Variants in SCHIP1 observed in about 807,000 individuals in gnomAD.
SCHIP1 encodes schwannomin interacting protein 1, also known as schwannomin-interacting protein 1.
In SCHIP1, 8 loss-of-function variants were observed where a neutral mutation model predicts 29.7. The ratio of observed to expected loss-of-function variants is 0.27; its 90% CI spans 0.16 to 0.49. SCHIP1 has a LOEUF of 0.49. Among genes scored for constraint, SCHIP1 ranks in the 20% least tolerant of loss-of-function variants. The pLI, the probability that SCHIP1 is intolerant of heterozygous loss-of-function variation, is 0.99. For missense variants in SCHIP1, 193 were observed against 294.6 expected (o/e 0.66, Z 2.52); for synonymous variants, 76 against 94.9 (o/e 0.80, Z 1.16).
chr3:159,696,448 A>G, the SCHIP1 span, among the ~76,000 whole-genome samples: 3,823 of 152,322 alleles, frequency 0.025, 188 homozygotes, highest in African/African-American at 0.088. Flanking sequence ...CAGTACATGT[A>G]TTCCTTGAAC....
At chr3:159,486,660 C>T in the SCHIP1 span, among the ~76,000 whole-genome samples, 1 of 152,206 alleles carries the variant, frequency 6.6e-6, no homozygotes, top group Non-Finnish European at 1.5e-5. Context: ...CAGCAAATAT[C>T]AGAAATCCAG....
the SCHIP1 span, among the ~76,000 whole-genome samples, chr3:159,383,777 A>C: frequency 1.3e-5 from 2 of 150,110 alleles, no homozygotes; most frequent in African/African-American, 4.9e-5. Flanking sequence ...ATCCTCTTTT[A>C]TTTCATTGAG....
At chr3:159,273,520 T>A in the SCHIP1 span, 4 of 1,166,072 alleles carry the variant, frequency 3.4e-6, no homozygotes, top group Non-Finnish European at 3.2e-6. Flanking sequence ...AGCCTTGTCT[T>A]CTCTGTGTGT....
At chr3:159,381,492 A>C in the SCHIP1 span, among the ~76,000 whole-genome samples, 1 of 152,212 alleles carries the variant, frequency 6.6e-6, no homozygotes, top group African/African-American at 2.4e-5. Context: ...CAATCCATCC[A>C]AAAACCCTTG....
chr3:159,477,113 T>G, the SCHIP1 span, among the ~76,000 whole-genome samples: 1 of 152,170 alleles, frequency 6.6e-6, no homozygotes. Context: ...TTGTCACAAA[T>G]GACAGAATTT....
the SCHIP1 span, among the ~76,000 whole-genome samples, chr3:159,405,591 C>T: frequency 6.6e-6 from 1 of 152,070 alleles, no homozygotes; most frequent in Non-Finnish European, 1.5e-5. Flanking sequence ...TTTGAAAATG[C>T]ACAGAGGCCA....
the SCHIP1 span, among the ~76,000 whole-genome samples, chr3:159,343,934 T>G: frequency 6.6e-6 from 1 of 152,170 alleles, no homozygotes; most frequent in Non-Finnish European, 1.5e-5. Context: ...AATTTTTAAA[T>G]TAAAAAATGG....
the SCHIP1 span, among the ~76,000 whole-genome samples, chr3:159,434,318 A>G: frequency 9.9e-5 from 15 of 152,152 alleles, 1 homozygote; most frequent in African/African-American, 3.1e-4. Flanking sequence ...GAGGAAGGCA[A>G]TACATAATGT....
At chr3:159,507,393 A>C in the SCHIP1 span, among the ~76,000 whole-genome samples, 1 of 152,216 alleles carries the variant, frequency 6.6e-6, no homozygotes, top group African/African-American at 2.4e-5. Flanking sequence ...TTCTAAATAT[A>C]CAATCATGTC....
At chr3:159,583,866 C>G in the SCHIP1 span, among the ~76,000 whole-genome samples, 2 of 152,266 alleles carry the variant, frequency 1.3e-5, no homozygotes, top group South Asian at 4.1e-4. Context: ...GTGTCCTCAT[C>G]ATTTGCATTC....
the SCHIP1 span, among the ~76,000 whole-genome samples, chr3:159,477,917 A>C: frequency 1.5e-5 from 2 of 137,642 alleles, no homozygotes; most frequent in Non-Finnish European, 3.1e-5. Context: ...TCTCATTTTA[A>C]ATCTTTTTTT....
chr3:159,701,298 C>A, the SCHIP1 span, among the ~76,000 whole-genome samples: 3 of 152,166 alleles, frequency 2.0e-5, no homozygotes, highest in South Asian at 4.1e-4. Context: ...TTTTTTAGAG[C>A]AGTTTTGTGT....
chr3:159,460,213 G>A, the SCHIP1 span, among the ~76,000 whole-genome samples: 1 of 152,174 alleles, frequency 6.6e-6, no homozygotes, highest in African/African-American at 2.4e-5. Flanking sequence ...TCTTTACCAT[G>A]CCTTTGTCTG....
the SCHIP1 span, among the ~76,000 whole-genome samples, chr3:159,471,924 T>C: frequency 1.3e-5 from 2 of 152,256 alleles, no homozygotes; most frequent in East Asian, 1.9e-4. Context: ...TTGTTGCTGA[T>C]AGTAAAAAAT....
At chr3:159,392,072 G>GTGTT in the SCHIP1 span, among the ~76,000 whole-genome samples, 1 of 152,118 alleles carries the variant, frequency 6.6e-6, no homozygotes, top group Non-Finnish European at 1.5e-5. Context: ...AGACTTTTTG[G>GTGTT]TGTTTGTTTG....
chr3:159,541,780 T>C, the SCHIP1 span, among the ~76,000 whole-genome samples: 1 of 152,126 alleles, frequency 6.6e-6, no homozygotes, highest in Non-Finnish European at 1.5e-5. Context: ...AATGTTAAAA[T>C]AGTCCATGCA....
upstream of SCHIP1, among the ~76,000 whole-genome samples, chr3:159,836,658 C>G (rs1743690737): frequency 6.6e-6 from 1 of 151,986 alleles, no homozygotes; most frequent in Admixed American, 6.6e-5. Context: ...TAAATGATCT[C>G]TTGAGGTCCC....
At chr3:159,353,435 T>C in the SCHIP1 span, among the ~76,000 whole-genome samples, 1 of 152,124 alleles carries the variant, frequency 6.6e-6, no homozygotes, top group Non-Finnish European at 1.5e-5. Flanking sequence ...AGTTTTGGTT[T>C]TCTACTTGTA....
the SCHIP1 span, among the ~76,000 whole-genome samples, chr3:159,676,541 A>C: frequency 6.6e-6 from 1 of 152,204 alleles, no homozygotes; most frequent in Non-Finnish European, 1.5e-5. Context: ...CCCTTAAACA[A>C]CACAAAGAAT....
Sources: allele counts gnomAD v4.1 joint callset (sites outside exome capture counted in the v4.1 genomes callset), GRCh38; gene constraint gnomAD v4.1.1; transcripts MANE v1.5; gene names NCBI Gene and HGNC (gene_info 2026-07-23, HGNC 2026-07-21).